Variants in NARS1 observed in about 807,000 individuals in gnomAD.
NARS1 encodes asparaginyl-tRNA synthetase 1, also known as asparagine--tRNA ligase, cytoplasmic.
A neutral mutation model predicts 79.2 loss-of-function variants in NARS1; 65 were observed. That is an observed-to-expected ratio of 0.82 (90% confidence interval 0.67 to 1.01). NARS1 has a LOEUF of 1.01. Among genes scored for constraint, NARS1 ranks in the 50% least tolerant of loss-of-function variants. The pLI, the probability that NARS1 is intolerant of heterozygous loss-of-function variation, is 0.00. For synonymous variants in NARS1, 229 were observed against 238.8 expected (o/e 0.96, Z 0.38); for missense variants, 649 against 673.8 (o/e 0.96, Z 0.41).
chr18:57,612,731 T>C (rs2051614964), intron 5 of NARS1, among the ~76,000 whole-genome samples: 1 of 152,220 alleles, frequency 6.6e-6, no homozygotes, highest in African/African-American at 2.4e-5. Context: ...CCACCGCACC[T>C]GGCCTGTCCC....
At chr18:57,614,595 CAGA>C (rs1226189327) in intron 4 of NARS1, among the ~76,000 whole-genome samples, 10 of 152,162 alleles carry the variant, frequency 6.6e-5, no homozygotes, top group Admixed American at 4.6e-4. Context: ...CCAGAAAGAA[CAGA>C]AGAAGAGTGA....
intron 11 of NARS1, among the ~76,000 whole-genome samples, chr18:57,605,022 T>C (rs2051541063): frequency 6.6e-6 from 1 of 151,684 alleles, no homozygotes. Flanking sequence ...TTTTAACCAA[T>C]GGCTATCTTC....
At chr18:57,603,522 C>T (rs1277226887) in intron 11 of NARS1, among the ~76,000 whole-genome samples, 1 of 152,208 alleles carries the variant, frequency 6.6e-6, no homozygotes, top group African/African-American at 2.4e-5. Flanking sequence ...GTAAGCACAC[C>T]TGGAATAGTT....
rs759737696 is a variant in NARS1 at position 57,602,529 on chromosome 18, G to C, written c.1384-43C>G. The C allele has an allele frequency of 6.8e-6, 11 of 1,607,068 alleles. No individual in the cohort carries two copies. In the South Asian group the frequency reaches 1.1e-4, roughly 16 times the overall value. ...AGAAGATACACAATTACTATCAAGC[G>C]ATCAGACACAGCACTGCCCTAGAGT... On this transcript the variant is annotated intron_variant, in intron 12 of 13. Transcript: ENST00000256854.
chr18:57,601,407 T>C lies in NARS1; in HGVS notation c.*245A>G. On this transcript the variant is annotated 3_prime_UTR_variant, in exon 14 of 14. Transcript: ENST00000256854. ...AAATGTATCCCTAACTACAGTTTCA[T>C]GCCAGGTATTTTCCCCGAACTTTGT... 2.8e-6 allele frequency: 1 copy of C among 351,542 alleles called. No homozygotes were observed. Among genetic ancestry groups the C allele is most frequent in the Non-Finnish European group, 5.2e-6 (1 of 190,818 alleles). The allele number at this position is 351,542 out of a possible 1,614,324, so 21.8% of individuals were successfully genotyped here.
intron 7 of NARS1, among the ~76,000 whole-genome samples, 168 bp downstream of exon 7, chr18:57,609,189 T>C (rs2051585149): frequency 6.6e-6 from 1 of 152,244 alleles, no homozygotes; most frequent in South Asian, 2.1e-4. Context: ...CTTGTGATCT[T>C]GTGAGCCAAT....
chr18:57,620,692 A>G (rs747714842), intron 1 of NARS1, 41 bp from the exon 2 acceptor site: 2 of 1,200,866 alleles, frequency 1.7e-6, no homozygotes, highest in South Asian at 2.5e-5. Context: ...CTGGCCATTA[A>G]CTATTAGTCA....
At chr18:57,621,635 C>T in intron 1 of NARS1, 73 bp downstream of exon 1, 1 of 1,401,812 alleles carries the variant, frequency 7.1e-7, no homozygotes, top group Non-Finnish European at 1.0e-6. Flanking sequence ...CTAAGGAAAG[C>T]GCCGAAACCC....
chr18:57,607,076 G>T (rs2051564182), intron 9 of NARS1, 58 bp downstream of exon 9: 5 of 1,479,664 alleles, frequency 3.4e-6, no homozygotes, highest in Admixed American at 4.3e-5. Context: ...CCTACACTAA[G>T]ATTTCTTCTC....
rs896859863 is a variant in NARS1, at chr18:57,615,646, T to C, written c.337A>G (p.Lys113Glu). The C allele has an allele frequency of 1.2e-6, 2 of 1,605,230 alleles. No individual in the cohort carries two copies. Among genetic ancestry groups the C allele is most frequent in the African/African-American group, 1.3e-5 (1 of 74,648 alleles). The change falls in exon 4 of 14, where the codon AAA (lysine) becomes GAA (glutamate). Residue 113 changes from lysine to glutamate, a missense_variant. Lys to Glu is a moderately conservative substitution (Grantham distance 56, BLOSUM62 1). Transcript: ENST00000256854. Reference protein sequence around the residue: ...IKNDPSLPEPKCVKIGALEGY... With the variant: ...IKNDPSLPEPECVKIGALEGY... ...GAAAAGATAAACAAACTTACACATT[T>C]TGGCTCTGGGAGACTTGGATCATTT...
chr18:57,612,656 G>C (rs866762511), intron 5 of NARS1, among the ~76,000 whole-genome samples: 4 of 152,278 alleles, frequency 2.6e-5, no homozygotes, highest in Non-Finnish European at 4.4e-5. Context: ...GGCTGGTCTT[G>C]AACTCCTGAC....
chr18:57,603,051 G>C, intron 11 of NARS1, 108 bp from the exon 12 acceptor site: 1 of 1,031,606 alleles, frequency 9.7e-7, no homozygotes, highest in Non-Finnish European at 1.5e-6. Context: ...CAACAGAGTA[G>C]AGGATACACA....
At chr18:57,617,589 AAAAAAT>A (rs71171047) in intron 2 of NARS1, among the ~76,000 whole-genome samples, 15,842 of 144,506 alleles carry the variant, frequency 0.11, 987 homozygotes, top group Non-Finnish European at 0.15. Context: ...AAAAAAAAAA[AAAAAAT>A]AGAGAAGGAA....
Position 57,615,974 on chromosome 18 carries a change from G to A in NARS1, c.95C>T (p.Ala32Val), listed in dbSNP as rs1908012575. Residue 32 changes from alanine (A) to valine (V), a missense_variant and splice_region_variant, in exon 3 of 14, where the codon GCT (alanine) becomes GTT (valine). By Grantham distance (64) the Ala-to-Val change is moderately conservative (BLOSUM62 0). Coordinates refer to ENST00000256854, the MANE Select transcript of NARS1 (RefSeq NM_004539.4). Reference protein sequence around the residue: ...KEKPFKTGLKALMTVGKEPFP... With the variant: ...KEKPFKTGLKVLMTVGKEPFP... ...TGGTTCTTTCCCTACTGTCATCAAAGCCTTGGGTAGGGAGGAGAGAAAAGA... is the reference window on the plus strand; with the variant it reads ...TGGTTCTTTCCCTACTGTCATCAAAACCTTGGGTAGGGAGGAGAGAAAAGA... The A allele has an allele frequency of 1.3e-6, 2 of 1,598,504 alleles. No individual in the cohort carries two copies. Among genetic ancestry groups the A allele is most frequent in the Non-Finnish European group, 1.7e-6 (2 of 1,174,622 alleles).
rs142850368 is a variant in NARS1, at chr18:57,602,338, T to C, written c.1515+17A>G. On this transcript the variant is annotated intron_variant, in intron 13 of 13. Transcript: ENST00000256854. ...ACAGTGGAAAAAAATGTTGAGTACT[T>C]AAAAAATTGGTTTTACCTGATCCGT... 5.2e-4 allele frequency: 831 copies of C among 1,605,298 alleles called. 1 individual carries two copies. Among genetic ancestry groups the C allele is most frequent in the Middle Eastern group, 2.8e-3 (17 of 6,002 alleles).
chr18:57,605,770 G>A (rs2051549714), intron 11 of NARS1, 87 bp downstream of exon 11: 2 of 860,060 alleles, frequency 2.3e-6, no homozygotes, highest in Non-Finnish European at 3.7e-6. Context: ...ACAGGCAGAT[G>A]CCACCCATGT....
Position 57,601,585 on chromosome 18 carries a change from T to C in NARS1, c.*67A>G, listed in dbSNP as rs2122415984. 1 of 1,458,042 alleles carries C rather than the reference T, an allele frequency of 6.9e-7. No homozygotes were observed. Among genetic ancestry groups the C allele is most frequent in the Non-Finnish European group, 9.3e-7 (1 of 1,080,938 alleles). The allele number at this position is 1,458,042 out of a possible 1,614,324, so 90.3% of individuals were successfully genotyped here. Reference sequence around the variant, plus strand: ...AAACAAAAAAAGGAAGATTCTGGCTTTTTGTTTTCTTTTTTAAAGAGCCTG... The same window carrying C: ...AAACAAAAAAAGGAAGATTCTGGCTCTTTGTTTTCTTTTTTAAAGAGCCTG... On this transcript the variant is annotated 3_prime_UTR_variant, in exon 14 of 14. Coordinates refer to ENST00000256854, the MANE Select transcript of NARS1 (RefSeq NM_004539.4).
chr18:57,603,102 C>A (rs1417954769), intron 11 of NARS1, among the ~76,000 whole-genome samples, 159 bp from the exon 12 acceptor site: 2 of 152,040 alleles, frequency 1.3e-5, no homozygotes, highest in Non-Finnish European at 2.9e-5. Context: ...AGAATAATTT[C>A]TTTCAAAAAG....
At chr18:57,605,543 G>A (rs573598873) in intron 11 of NARS1, among the ~76,000 whole-genome samples, 2 of 148,714 alleles carry the variant, frequency 1.3e-5, no homozygotes, top group South Asian at 4.3e-4. Context: ...GGAGGCGGAG[G>A]TTGCAGTGAG....
Sources: allele counts gnomAD v4.1 joint callset (sites outside exome capture counted in the v4.1 genomes callset), GRCh38; gene constraint gnomAD v4.1.1; transcripts MANE v1.5; gene names NCBI Gene and HGNC (gene_info 2026-07-23, HGNC 2026-07-21).